The following VWA3B variants were observed in gnomAD, a reference collection of about 807,000 sequenced individuals.
The protein encoded by VWA3B is von Willebrand factor A domain containing 3B, also known as von Willebrand factor A domain-containing protein 3B.
A neutral mutation model predicts 158.3 loss-of-function variants in VWA3B; 138 were observed. The observed-to-expected ratio is 0.87, with a 90% CI of 0.76 to 1.00. The LOEUF (loss-of-function observed/expected upper bound fraction) is 1.00. VWA3B is among the 50% of genes least tolerant of loss of function. The pLI is 0.00. For synonymous variants in VWA3B, 596 were observed against 587.3 expected (o/e 1.01, Z -0.21); for missense variants, 1,555 against 1,565.1 (o/e 0.99, Z 0.11).
chr2:98,248,683 C>T (rs1032070297), intron 19 of VWA3B, among the ~76,000 whole-genome samples: 1 of 152,146 alleles, frequency 6.6e-6, no homozygotes, highest in Non-Finnish European at 1.5e-5. Flanking sequence ...TGAACTCCCT[C>T]TGCCTTGCCA....
At chr2:98,093,354 C>A in intron 2 of VWA3B, 66 bp downstream of exon 2, 1 of 1,532,610 alleles carries the variant, frequency 6.5e-7, no homozygotes, top group African/African-American at 1.4e-5. Context: ...GCTGCATCAG[C>A]TCTGAAGGCC....
chr2:98,236,454 A>G lies in VWA3B; in HGVS notation c.2493A>G (p.Glu831=). ...DDKSSEKVTR[E]GSQVYDHDSS... ...AATCGTCAGAAAAGGTGACGCGAGAAGGAAGCCAGGTTTATGACCACGAGT... is the reference window on the plus strand; with the variant it reads ...AATCGTCAGAAAAGGTGACGCGAGAGGGAAGCCAGGTTTATGACCACGAGT... Residue 831 remains glutamate, a synonymous_variant, in exon 18 of 28, where the codon GAA becomes GAG. Transcript: ENST00000477737. 6.2e-7 allele frequency: 1 copy of G among 1,614,240 alleles called. No homozygotes were observed. The highest frequency in any genetic ancestry group is 8.5e-7 in the Non-Finnish European group (1 of 1,180,028).
intron 14 of VWA3B, among the ~76,000 whole-genome samples, chr2:98,219,211 C>G (rs1376727060): frequency 6.6e-6 from 1 of 151,986 alleles, no homozygotes; most frequent in Non-Finnish European, 1.5e-5. Context: ...TAAAATGTAC[C>G]CAGAACTCAA....
At chr2:98,134,204 T>C (rs1239174683) in intron 7 of VWA3B, among the ~76,000 whole-genome samples, 1 of 152,200 alleles carries the variant, frequency 6.6e-6, no homozygotes, top group Non-Finnish European at 1.5e-5. Flanking sequence ...CCTGGGCCTG[T>C]CAATGCCGGA....
chr2:98,141,273 G>A (rs1378899280), intron 7 of VWA3B, among the ~76,000 whole-genome samples: 1 of 152,176 alleles, frequency 6.6e-6, no homozygotes, highest in Non-Finnish European at 1.5e-5. Context: ...GAACACCTGA[G>A]GCTGGGTAAT....
intron 23 of VWA3B, among the ~76,000 whole-genome samples, chr2:98,294,338 T>A (rs1482245221): frequency 6.6e-6 from 1 of 151,108 alleles, no homozygotes; most frequent in African/African-American, 2.4e-5. Flanking sequence ...AAAAAACAGC[T>A]CACTTAAAAT....
At chr2:98,318,049 A>G (rs1290004236), downstream of VWA3B, among the ~76,000 whole-genome samples, 1 of 152,210 alleles carries the variant, frequency 6.6e-6, no homozygotes, top group African/African-American at 2.4e-5. Context: ...CAGAATGGCT[A>G]TTATTAAAAG....
At chr2:98,286,360 A>C (rs945851777) in intron 22 of VWA3B, among the ~76,000 whole-genome samples, 1 of 152,162 alleles carries the variant, frequency 6.6e-6, no homozygotes, top group African/African-American at 2.4e-5. Flanking sequence ...AGGGTAAGTC[A>C]TCTAGTTTTT....
chr2:98,151,265 A>G (rs1308179652), intron 7 of VWA3B, among the ~76,000 whole-genome samples: 4 of 152,168 alleles, frequency 2.6e-5, no homozygotes, highest in Non-Finnish European at 4.4e-5. Flanking sequence ...GGCATCCGCC[A>G]TGATGCCCAG....
intron 8 of VWA3B, among the ~76,000 whole-genome samples, chr2:98,169,680 T>G (rs1255099757): frequency 1.3e-5 from 2 of 151,248 alleles, no homozygotes; most frequent in Non-Finnish European, 2.9e-5. Flanking sequence ...GGCGCTGAGC[T>G]GTTCAGAGAC....
chr2:98,105,929 T>C (rs906329543), intron 2 of VWA3B, among the ~76,000 whole-genome samples: 1 of 152,146 alleles, frequency 6.6e-6, no homozygotes, highest in Non-Finnish European at 1.5e-5. Context: ...TGATTTATTT[T>C]TTTTGAGACA....
At chr2:98,216,397 A>C (rs373456396) in intron 13 of VWA3B, among the ~76,000 whole-genome samples, 1 of 152,246 alleles carries the variant, frequency 6.6e-6, no homozygotes, top group Non-Finnish European at 1.5e-5. Flanking sequence ...AAGAAAATGG[A>C]CATGATAAAG....
chr2:98,289,810 A>C (rs1689381048), intron 22 of VWA3B, among the ~76,000 whole-genome samples: 1 of 152,224 alleles, frequency 6.6e-6, no homozygotes, highest in Non-Finnish European at 1.5e-5. Context: ...AGACTGTCAA[A>C]GAATGTCAGG....
downstream of VWA3B, among the ~76,000 whole-genome samples, chr2:98,316,959 T>G (rs564058214): frequency 1.7e-4 from 26 of 152,306 alleles, no homozygotes; most frequent in African/African-American, 5.8e-4. Context: ...ATGAGCCAAT[T>G]AAACCTCTTT....
At chr2:98,297,121 G>A (rs1041810362) in intron 23 of VWA3B, among the ~76,000 whole-genome samples, 15 of 147,180 alleles carry the variant, frequency 1.0e-4, no homozygotes, top group Non-Finnish European at 1.5e-4. Context: ...TGCTTTTGTC[G>A]CCCAGGCTGG....
At chr2:98,216,388 A>C (rs1212574231) in intron 13 of VWA3B, among the ~76,000 whole-genome samples, 1 of 152,276 alleles carries the variant, frequency 6.6e-6, no homozygotes, top group African/African-American at 2.4e-5. Context: ...ACTGGAATCA[A>C]GAAAATGGAC....
chr2:98,294,820 C>T (rs62155290), intron 23 of VWA3B, among the ~76,000 whole-genome samples: 5,933 of 152,310 alleles, frequency 0.039, 170 homozygotes, highest in Middle Eastern at 0.075. Flanking sequence ...TGCCTCTTGC[C>T]TCTGCTGGCC....
intron 8 of VWA3B, among the ~76,000 whole-genome samples, chr2:98,168,822 G>A (rs936058893): frequency 3.3e-5 from 5 of 152,158 alleles, no homozygotes; most frequent in African/African-American, 1.2e-4. Context: ...AAAAAAACCC[G>A]AAAGAAGATC....
chr2:98,170,910 A>G (rs1679531736), intron 8 of VWA3B, among the ~76,000 whole-genome samples: 2 of 152,140 alleles, frequency 1.3e-5, no homozygotes. Context: ...CGACCAGAAC[A>G]ATATTAAACC....
Sources: gnomAD v4.1 joint callset for allele counts (sites outside exome capture counted in the v4.1 genomes callset) on GRCh38, gnomAD v4.1.1 for gene constraint, MANE v1.5 for transcripts, NCBI Gene and HGNC (gene_info 2026-07-23, HGNC 2026-07-21) for gene names.